ERCC8: variants seen among roughly 807,000 people sequenced by gnomAD.
The protein encoded by ERCC8 is ERCC excision repair 8, CSA ubiquitin ligase complex subunit.
Under a neutral mutation model 54.9 loss-of-function variants are expected in ERCC8, and 52 were observed. The observed-to-expected ratio is 0.95, with a 90% CI of 0.76 to 1.19. The LOEUF (loss-of-function observed/expected upper bound fraction) is 1.19, where lower values mean the gene tolerates loss of function less well. Ranked by LOEUF, ERCC8 falls within the 50% of genes most tolerant of loss-of-function variation. ERCC8 has a pLI of 0.00. For missense variants in ERCC8, 514 were observed against 466.1 expected (o/e 1.10, Z -0.95); for synonymous variants, 146 against 157.2 (o/e 0.93, Z 0.53).
chr5:60,892,279 C>T (rs1052194418), intron 9 of ERCC8: 41 of 555,108 alleles, frequency 7.4e-5, no homozygotes, highest in Middle Eastern at 3.0e-4. Context: ...TTTCCATCAT[C>T]GGAGAATGGA....
intron 8 of ERCC8, 83 bp from the exon 9 acceptor site, chr5:60,898,483 A>C: frequency 6.7e-7 from 1 of 1,489,792 alleles, no homozygotes; most frequent in Non-Finnish European, 9.3e-7. Flanking sequence ...AAACATATTA[A>C]AGGACAACTA....
In ERCC8 at chr5:60,870,978, A is replaced by G. The variant is rs1251710988; in HGVS notation, c.*3637T>C. Among the ~76,000 whole-genome samples the G allele has an allele frequency of 6.6e-6, 1 of 152,218 alleles. No homozygotes were observed. The highest frequency in any genetic ancestry group is 2.4e-5 in the African/African-American group (1 of 41,460). On this transcript the variant is annotated 3_prime_UTR_variant, in exon 12 of 12. Coordinates refer to ENST00000676185, the MANE Select transcript of ERCC8 (RefSeq NM_000082.4). ...AATGAATTCCCTACAAAGGGAAAAA[A>G]AACCAAAGTGGCTTTGGAATTCTCA... is the stretch of plus-strand genomic sequence containing the variant.
Position 60,904,773 on chromosome 5 carries a change from A to G in ERCC8, c.481+19T>C. Reference sequence around the variant, plus strand: ...AAAGTTTTCAGTATGTCAAAAGACAAAAGAATACACTTACAAACCTGCTAC... The same window carrying G: ...AAAGTTTTCAGTATGTCAAAAGACAGAAGAATACACTTACAAACCTGCTAC... On this transcript the variant is annotated intron_variant, in intron 5 of 11. Transcript: ENST00000676185. The G allele has an allele frequency of 6.6e-7, 1 of 1,518,252 alleles. No individual in the cohort carries two copies. Among genetic ancestry groups the G allele is most frequent in the Non-Finnish European group, 9.1e-7 (1 of 1,097,270 alleles). 94.0% of individuals were successfully genotyped at this position (1,518,252 alleles called of 1,614,324 possible).
At chr5:60,922,256 A>C in intron 2 of ERCC8, 101 bp from the exon 3 acceptor site, 1 of 738,644 alleles carries the variant, frequency 1.4e-6, no homozygotes, top group Non-Finnish European at 2.4e-6. Context: ...AAACACTCAA[A>C]TGTATTAAGG....
In ERCC8 at chr5:60,928,936, T is replaced by G; in HGVS notation, c.101A>C (p.Lys34Thr). 6.2e-7 allele frequency: 1 copy of G among 1,605,208 alleles called. No homozygotes were observed. The highest frequency in any genetic ancestry group is 1.1e-5 in the South Asian group (1 of 90,580). Residue 34 changes from lysine (K) to threonine (T), a missense_variant, in exon 2 of 12, where the codon AAA (lysine) becomes ACA (threonine). Transcript: ENST00000676185. ...TRRVLGLELN[K>T]DRDVERIHGG... Reference sequence around the variant, plus strand: ...GTGGATTCTTTCAACATCTCTGTCTTTATTTAATTCCAGTCCCAAAACTCT... The same window carrying G: ...GTGGATTCTTTCAACATCTCTGTCTGTATTTAATTCCAGTCCCAAAACTCT...
intron 1 of ERCC8, among the ~76,000 whole-genome samples, chr5:60,931,215 T>G (rs1749899967): frequency 6.6e-6 from 1 of 152,120 alleles, no homozygotes; most frequent in Non-Finnish European, 1.5e-5. Flanking sequence ...TAAATGCATC[T>G]CCTGATTATA....
intron 11 of ERCC8, among the ~76,000 whole-genome samples, chr5:60,883,899 T>C (rs1026503907): frequency 1.8e-4 from 27 of 152,156 alleles, no homozygotes; most frequent in Non-Finnish European, 1.0e-4. Context: ...AATAAAAGGA[T>C]TTATAGTTAA....
At position 60,870,482 on chromosome 5, in the gene ERCC8, T is replaced by TAAAAAAAAAAAAAAA. The variant is rs57423118; in HGVS notation, c.*4118_*4132dup. 2.0e-5 allele frequency among the ~76,000 whole-genome samples: 1 copy of TAAAAAAAAAAAAAAA among 48,806 alleles called. No individual in the cohort carries two copies. Among genetic ancestry groups the TAAAAAAAAAAAAAAA allele is most frequent in the Non-Finnish European group, 3.4e-5 (1 of 29,344 alleles). 32.0% of individuals were successfully genotyped at this position (48,806 alleles called of 152,430 possible). A position where few individuals can be genotyped will look rare whatever the true frequency, so the allele number is the denominator to read the frequency against. On this transcript the variant is annotated 3_prime_UTR_variant, in exon 12 of 12. Transcript: ENST00000676185. ...CAACATGGTGAAACCCCACCTCTGC[T>TAAAAAAAAAAAAAAA]AAAAAAAAAAAAAAAAAAAAAAAAA...
intron 1 of ERCC8, among the ~76,000 whole-genome samples, chr5:60,932,702 A>C (rs536689598): frequency 1.5e-4 from 23 of 152,328 alleles, no homozygotes; most frequent in African/African-American, 5.5e-4. Flanking sequence ...AGTCATGAGT[A>C]ATTGAGTCAT....
intron 9 of ERCC8, among the ~76,000 whole-genome samples, chr5:60,891,313 T>G (rs1748542199): frequency 6.6e-6 from 1 of 152,080 alleles, no homozygotes; most frequent in Non-Finnish European, 1.5e-5. Context: ...CTTTTCAATC[T>G]TAATAGAAGT....
chr5:60,914,930 T>G lies in ERCC8; in HGVS notation c.399+3335A>C, dbSNP rs369678902. 3.5e-4 allele frequency among the ~76,000 whole-genome samples: 54 copies of G among 152,118 alleles called. 1 individual carries two copies. The highest frequency in any genetic ancestry group is 1.3e-3 in the African/African-American group (53 of 41,444). ...TTGATTTATAGATGTTAAAACAACC[T>G]TTTTTGTCCACTCATGATATATTAT... On this transcript the variant is annotated intron_variant, in intron 4 of 11. Coordinates refer to ENST00000676185, the MANE Select transcript of ERCC8 (RefSeq NM_000082.4).
At chr5:60,911,236 C>T (rs1749250226) in intron 4 of ERCC8, among the ~76,000 whole-genome samples, 2 of 151,876 alleles carry the variant, frequency 1.3e-5, no homozygotes, top group Non-Finnish European at 2.9e-5. Context: ...CCCCCTATTT[C>T]TCCACATACT....
At chr5:60,928,381 A>T (rs1435469348) in intron 2 of ERCC8, among the ~76,000 whole-genome samples, 1 of 152,216 alleles carries the variant, frequency 6.6e-6, no homozygotes, top group African/African-American at 2.4e-5. Flanking sequence ...TTAGGTAGGT[A>T]CTATTGTTCC....
At position 60,918,310 on chromosome 5, in the gene ERCC8, G is replaced by A. The variant is rs759867306; in HGVS notation, c.354C>T (p.Ser118=). Residue 118 remains serine (S), a synonymous_variant, in exon 4 of 12, where the codon AGC becomes AGT. Coordinates refer to ENST00000676185, the MANE Select transcript of ERCC8 (RefSeq NM_000082.4). ...ATACTTTCAGAGTTTTATCAAATGA[G>A]CTTGATGTGAACATGCCAGTGTCAT... ...YPHDTGMFTS[S]SFDKTLKVWD... is the part of the protein sequence containing the mutation. 1.9e-6 allele frequency: 3 copies of A among 1,593,236 alleles called. No individual in the cohort carries two copies. In the Admixed American group the frequency reaches 5.0e-5, roughly 27 times the overall value.
At chr5:60,893,181 A>C in intron 9 of ERCC8, 1 of 956,334 alleles carries the variant, frequency 1.0e-6, no homozygotes, top group Admixed American at 1.7e-5. Flanking sequence ...GGCATCCAGG[A>C]CTTCCAGAAT....
intron 4 of ERCC8, among the ~76,000 whole-genome samples, chr5:60,906,130 C>T (rs978047558): frequency 2.1e-4 from 32 of 152,076 alleles, no homozygotes; most frequent in Admixed American, 3.3e-4. Flanking sequence ...CTTGTGCCTC[C>T]GGAATAATGG....
chr5:60,868,256 T>C lies in ERCC8; in HGVS notation c.*6359A>G, dbSNP rs118077699. Reference sequence around the variant, plus strand: ...CAGCTTAATGAACTTAGTCTTAACATTGACTTAATTGTGTTTTTAGAGACA... The same window carrying C: ...CAGCTTAATGAACTTAGTCTTAACACTGACTTAATTGTGTTTTTAGAGACA... On this transcript the variant is annotated 3_prime_UTR_variant, in exon 12 of 12. Coordinates refer to ENST00000676185, the MANE Select transcript of ERCC8 (RefSeq NM_000082.4). Among the ~76,000 whole-genome samples the C allele has an allele frequency of 6.6e-6, 1 of 152,302 alleles. No individual in the cohort carries two copies. Among genetic ancestry groups the C allele is most frequent in the East Asian group, 1.9e-4 (1 of 5,192 alleles).
chr5:60,886,497 T>C (rs4647137), intron 11 of ERCC8, among the ~76,000 whole-genome samples: 63,673 of 151,426 alleles, frequency 0.42, 13,999 homozygotes, highest in East Asian at 0.8. Context: ...AGGTCAGGAG[T>C]TGAAGACCAG....
chr5:60,893,635 G>A (rs1488498025), intron 9 of ERCC8: 8 of 574,446 alleles, frequency 1.4e-5, no homozygotes, highest in East Asian at 3.1e-5. Context: ...CTATACTTCC[G>A]GCGGGGATCT....
Sources: allele counts gnomAD v4.1 joint callset (sites outside exome capture counted in the v4.1 genomes callset), GRCh38; gene constraint gnomAD v4.1.1; transcripts MANE v1.5; gene names NCBI Gene and HGNC (gene_info 2026-07-23, HGNC 2026-07-21).